Variants in AOPEP observed in about 807,000 individuals in gnomAD.
The protein encoded by AOPEP is aminopeptidase O (putative).
Under a neutral mutation model 98.1 loss-of-function variants are expected in AOPEP, and 77 were observed. That is an observed-to-expected ratio of 0.78 (90% CI 0.65 to 0.95). The LOEUF (loss-of-function observed/expected upper bound fraction) is 0.95, where lower values mean the gene tolerates loss of function less well. AOPEP is among the 40% of genes least tolerant of loss of function. The pLI is 0.00. For synonymous variants in AOPEP, 346 were observed against 365.3 expected (o/e 0.95, Z 0.60); for missense variants, 1,024 against 1,024.7 (o/e 1.00, Z 0.01).
At chr9:94,802,251 G>T (rs1463841986) in intron 5 of AOPEP, among the ~76,000 whole-genome samples, 1 of 152,012 alleles carries the variant, frequency 6.6e-6, no homozygotes, top group Non-Finnish European at 1.5e-5. Context: ...AAAAAGAGTT[G>T]TTCATTAAAT....
At chr9:95,017,165 T>C (rs771183335) in intron 13 of AOPEP, among the ~76,000 whole-genome samples, 3 of 151,874 alleles carry the variant, frequency 2.0e-5, no homozygotes, top group Non-Finnish European at 4.4e-5. Context: ...CGTATACAAG[T>C]GGGTTTCTGT....
chr9:94,799,620 T>C (rs1304190645), intron 4 of AOPEP, among the ~76,000 whole-genome samples: 1 of 152,018 alleles, frequency 6.6e-6, no homozygotes, highest in East Asian at 1.9e-4. Flanking sequence ...CCTAGCTGTT[T>C]TGGAGGCTGA....
chr9:95,034,437 G>A (rs1244603690), intron 13 of AOPEP, among the ~76,000 whole-genome samples: 2 of 152,208 alleles, frequency 1.3e-5, no homozygotes, highest in Admixed American at 6.5e-5. Flanking sequence ...CTACTTAAGT[G>A]TCTGTACAGG....
chr9:94,800,365 G>A (rs1172317785), intron 4 of AOPEP, among the ~76,000 whole-genome samples: 1 of 152,106 alleles, frequency 6.6e-6, no homozygotes, highest in Non-Finnish European at 1.5e-5. Context: ...TCTGAGTTAT[G>A]AATTGTCTCT....
At chr9:94,925,818 G>A (rs1487336985) in intron 6 of AOPEP, among the ~76,000 whole-genome samples, 1 of 152,214 alleles carries the variant, frequency 6.6e-6, no homozygotes, top group Non-Finnish European at 1.5e-5. Context: ...AGTATAGGTA[G>A]GTTAGGTAGC....
intron 5 of AOPEP, among the ~76,000 whole-genome samples, chr9:94,832,413 C>A (rs541999893): frequency 1.3e-5 from 2 of 152,290 alleles, no homozygotes; most frequent in African/African-American, 4.8e-5. Flanking sequence ...AGTTTGACAA[C>A]GTACTCTCTT....
intron 13 of AOPEP, among the ~76,000 whole-genome samples, chr9:95,034,344 C>T (rs993801832): frequency 6.6e-6 from 1 of 152,140 alleles, no homozygotes; most frequent in Non-Finnish European, 1.5e-5. Context: ...GTGTTTTCTC[C>T]CATTTTCTCC....
intron 5 of AOPEP, among the ~76,000 whole-genome samples, chr9:94,894,915 A>G (rs570027185): frequency 1.4e-3 from 220 of 152,374 alleles, no homozygotes; most frequent in Non-Finnish European, 2.8e-3. Context: ...ACTTATATTT[A>G]TAGGTCAAAT....
chr9:94,983,840 C>T (rs908883010), intron 11 of AOPEP, among the ~76,000 whole-genome samples: 3 of 151,506 alleles, frequency 2.0e-5, no homozygotes, highest in African/African-American at 7.3e-5. Context: ...TGTCCCATGC[C>T]GTCCCCTCCC....
intron 1 of AOPEP, among the ~76,000 whole-genome samples, chr9:94,753,930 A>T (rs1836418325): frequency 6.6e-6 from 1 of 152,218 alleles, no homozygotes; most frequent in African/African-American, 2.4e-5. Context: ...AGATGTGCGT[A>T]AGGAGGCTCA....
the AOPEP span, among the ~76,000 whole-genome samples, chr9:95,141,311 CAAAAAAAAAAAAAAA>C: frequency 1.8e-5 from 1 of 54,862 alleles, no homozygotes; most frequent in Non-Finnish European, 3.0e-5. Flanking sequence ...GACCCTGTCT[CAAAAAAAAAAAAAAA>C]AAAAAAAAAA....
chr9:95,060,984 A>G, intron 14 of AOPEP, 174 bp downstream of exon 14: 1 of 554,088 alleles, frequency 1.8e-6, no homozygotes, highest in Non-Finnish European at 3.2e-6. Context: ...TATGCTTCTA[A>G]TCAGAGTATT....
At chr9:94,932,848 C>A in intron 7 of AOPEP, 1 of 985,322 alleles carries the variant, frequency 1.0e-6, no homozygotes, top group Non-Finnish European at 1.2e-6. Flanking sequence ...GATTGACTTC[C>A]TTGTAAGTCA....
intron 1 of AOPEP, among the ~76,000 whole-genome samples, chr9:94,728,049 T>C (rs1018425417): frequency 5.3e-5 from 8 of 152,224 alleles, no homozygotes; most frequent in Non-Finnish European, 1.2e-4. Flanking sequence ...GCCTGCACTT[T>C]TCTTAAAGGA....
the AOPEP span, among the ~76,000 whole-genome samples, chr9:95,122,484 ACTTTC>A: frequency 2.0e-5 from 3 of 152,096 alleles, no homozygotes; most frequent in South Asian, 2.1e-4. Context: ...AAGCAAAGAG[ACTTTC>A]CTTTCCTTTG....
intron 3 of AOPEP, among the ~76,000 whole-genome samples, chr9:94,773,905 A>G (rs1257334691): frequency 1.3e-5 from 2 of 152,014 alleles, no homozygotes; most frequent in Non-Finnish European, 1.5e-5. Flanking sequence ...AGGTGGAACT[A>G]CAAGTGCATG....
At chr9:95,012,873 A>G (rs992742515) in intron 13 of AOPEP, among the ~76,000 whole-genome samples, 1 of 148,596 alleles carries the variant, frequency 6.7e-6, no homozygotes, top group Non-Finnish European at 1.5e-5. Flanking sequence ...ATACCTGGCT[A>G]TTGCATTAAA....
intron 7 of AOPEP, among the ~76,000 whole-genome samples, chr9:94,936,928 G>A (rs150104591): frequency 6.1e-4 from 93 of 152,326 alleles, no homozygotes; most frequent in Admixed American, 1.0e-3. Flanking sequence ...ATAGGGTGAG[G>A]TATGAGGGAA....
the AOPEP span, chr9:95,106,975 A>G: frequency 7.9e-7 from 1 of 1,258,482 alleles, no homozygotes; most frequent in Non-Finnish European, 1.1e-6. Flanking sequence ...TGGTACACAC[A>G]CTGTGCAGAG....
Sources: allele counts gnomAD v4.1 joint callset (sites outside exome capture counted in the v4.1 genomes callset), GRCh38; gene constraint gnomAD v4.1.1; transcripts MANE v1.5; gene names NCBI Gene and HGNC (gene_info 2026-07-23, HGNC 2026-07-21).